Variants in RET observed in about 807,000 individuals in gnomAD.
The protein encoded by RET is ret proto-oncogene, also known as proto-oncogene tyrosine-protein kinase receptor Ret.
RET carries 19 observed loss-of-function variants against 118.3 expected under a neutral mutation model. That is an observed-to-expected ratio of 0.16 (90% CI 0.11 to 0.24). The LOEUF is 0.24. RET is among the 10% of genes least tolerant of loss of function. The pLI is 1.00. For missense variants in RET, 1,219 were observed against 1,502.1 expected, an observed-to-expected ratio of 0.81 and a Z score of 3.12; for synonymous variants, 597 against 644.1, an observed-to-expected ratio of 0.93 and a Z score of 1.11.
At position 43,126,581 on chromosome 10, in the gene RET, T is replaced by A. The variant is rs2133032658; in HGVS notation, c.3046T>A (p.Leu1016Met). The change falls in exon 19 of 20, where the codon TTG (leucine) becomes ATG (methionine). Residue 1016 changes from leucine (L) to methionine (M), a missense_variant. Transcript: ENST00000355710. ...EKMMVKRRDY[L>M]DLAASTPSDS... is the part of the protein sequence containing the mutation. ...GGCCATCTCTGTCTTCCAGGACTAC[T>A]TGGACCTTGCGGCGTCCACTCCATC... 6.2e-7 allele frequency: 1 copy of A among 1,613,968 alleles called. No homozygotes were observed. The highest frequency in any genetic ancestry group is 8.5e-7 in the Non-Finnish European group (1 of 1,179,994).
chr10:43,127,667 G>T (rs949781113), intron 19 of RET, among the ~76,000 whole-genome samples: 1 of 151,946 alleles, frequency 6.6e-6, no homozygotes, highest in Non-Finnish European at 1.5e-5. Context: ...CTATGAGGCT[G>T]GCCCGTGTGC....
intron 6 of RET, among the ~76,000 whole-genome samples, chr10:43,110,687 C>T (rs1178381536): frequency 1.3e-5 from 2 of 152,040 alleles, no homozygotes; most frequent in Non-Finnish European, 2.9e-5. Flanking sequence ...GCTGGGGCAA[C>T]CATGCTCCCG....
intron 2 of RET, 122 bp downstream of exon 2, chr10:43,100,844 C>A: frequency 3.5e-6 from 4 of 1,133,660 alleles, no homozygotes; most frequent in Admixed American, 2.0e-5. Flanking sequence ...GTGTGGAAGG[C>A]GTCAGGGGTT....
At chr10:43,125,985 G>A (rs1233107643) in intron 18 of RET, among the ~76,000 whole-genome samples, 2 of 152,254 alleles carry the variant, frequency 1.3e-5, no homozygotes, top group Non-Finnish European at 2.9e-5. Context: ...GGCATTGAAA[G>A]GAGCAGACGC....
In RET at chr10:43,128,317, G is replaced by A. The variant is rs554412445; in HGVS notation, c.*48G>A. ...GACTCACAAGGGGAAGAAACATGCT[G>A]AGAATGGAAAGTCTACCGGCCCTTT... On this transcript the variant is annotated 3_prime_UTR_variant, in exon 20 of 20. Transcript: ENST00000355710. 5.5e-5 allele frequency: 89 copies of A among 1,606,532 alleles called. No individual in the cohort carries two copies. The East Asian group carries it at 1.9e-3, about 35-fold the overall frequency.
intron 1 of RET, among the ~76,000 whole-genome samples, chr10:43,088,071 G>A (rs1467237275): frequency 6.6e-6 from 1 of 152,010 alleles, no homozygotes; most frequent in African/African-American, 2.4e-5. Flanking sequence ...TGGTGAAGAC[G>A]GTGGTGGTGG....
rs192977931 is a variant in RET, at chr10:43,108,392, C to G, written c.1064-639C>G. Among the ~76,000 whole-genome samples the G allele has an allele frequency of 1.3e-3, 200 of 152,240 alleles. 3 individuals are homozygous for G. The highest frequency in any genetic ancestry group is 2.5e-3 in the Non-Finnish European group (169 of 68,020). ...ACCCTTGCCTGGCATGGCCTTAGGTCCTGTTTATAATTTGGTATCTTACTG... is the reference window on the plus strand; with the variant it reads ...ACCCTTGCCTGGCATGGCCTTAGGTGCTGTTTATAATTTGGTATCTTACTG... On this transcript the variant is annotated intron_variant, in intron 5 of 19. Transcript: ENST00000355710.
Position 43,123,920 on chromosome 10 carries a change from G to C in RET, c.2939+112G>C, listed in dbSNP as rs1838274478. The C allele has an allele frequency of 5.2e-6, 8 of 1,527,332 alleles. No homozygotes were observed. In the East Asian group the frequency reaches 1.8e-4, roughly 35 times the overall value. 94.6% of individuals were successfully genotyped at this position (1,527,332 alleles called of 1,614,324 possible). A position where few individuals can be genotyped will look rare whatever the true frequency, so the allele number is the denominator to read the frequency against. ...GGAGAAACCAGGAGAAGTGGGGGGTGGGGAGTGGGCAGGGCAGAGGTTAGA... is the reference window on the plus strand; with the variant it reads ...GGAGAAACCAGGAGAAGTGGGGGGTCGGGAGTGGGCAGGGCAGAGGTTAGA... On this transcript the variant is annotated intron_variant, in intron 17 of 19. Transcript: ENST00000355710.
chr10:43,106,479 G>C lies in RET; in HGVS notation c.971G>C (p.Trp324Ser). ...YTSTLLPGDT[W>S]AQQTFRVEHW... ...AGCACGCTGCTCCCCGGGGACACCT[G>C]GGCCCAGCAGACCTTCCGGGTGGAA... The change falls in exon 5 of 20, where the codon TGG (tryptophan) becomes TCG (serine). Residue 324 changes from tryptophan (W) to serine (S), a missense_variant. This residue lies in a region of RET where 850 missense variants were observed against 969.6 expected (regional missense o/e 0.88). Transcript: ENST00000355710. This position sits in a 1 kb window ranked among gnomAD's most constrained non-coding sequence, Gnocchi z 5.1. 2.5e-6 allele frequency: 4 copies of C among 1,613,626 alleles called. No homozygotes were observed.
chr10:43,091,391 G>T (rs996716569), intron 1 of RET, among the ~76,000 whole-genome samples: 1 of 152,160 alleles, frequency 6.6e-6, no homozygotes, highest in Admixed American at 6.5e-5. Flanking sequence ...CACTTGGGGA[G>T]GCTCACGCAG....
intron 1 of RET, among the ~76,000 whole-genome samples, chr10:43,080,380 C>G (rs1421718042): frequency 6.6e-6 from 1 of 152,226 alleles, no homozygotes; most frequent in Non-Finnish European, 1.5e-5. Flanking sequence ...AGTGCACTGC[C>G]CCTGTGCTGT....
intron 16 of RET, among the ~76,000 whole-genome samples, chr10:43,122,874 T>A (rs1838248665): frequency 6.6e-6 from 1 of 152,146 alleles, no homozygotes; most frequent in Non-Finnish European, 1.5e-5. Flanking sequence ...CCTCCCAAAG[T>A]GCTGGGATTA....
At chr10:43,077,782 C>T (rs1027037770) in intron 1 of RET, among the ~76,000 whole-genome samples, 1 of 152,252 alleles carries the variant, frequency 6.6e-6, no homozygotes. Context: ...TTCCTTTTCC[C>T]GCTCAGCGTC....
chr10:43,113,320 A>G (rs2132822808), intron 9 of RET, among the ~76,000 whole-genome samples: 1 of 152,342 alleles, frequency 6.6e-6, no homozygotes. Flanking sequence ...TTTTGGAGGC[A>G]GAGTCCTTTG....
chr10:43,129,090 A>G lies in RET; in HGVS notation c.*821A>G, dbSNP rs1052208691. On this transcript the variant is annotated 3_prime_UTR_variant, in exon 20 of 20. Coordinates refer to ENST00000355710, the MANE Select transcript of RET (RefSeq NM_020975.6). ...CCCCTGATGAGAACAGTATGAAGAA[A>G]GGGGGCTGTTGGAGTCCCAGAATTG... 3 of 233,476 alleles carry G rather than the reference A, an allele frequency of 1.3e-5. No homozygotes were observed. The highest frequency in any genetic ancestry group is 2.2e-5 in the African/African-American group (1 of 45,314). 14.5% of individuals were successfully genotyped at this position (233,476 alleles called of 1,614,324 possible).
At chr10:43,127,132 TCAG>T (rs1250615108) in intron 19 of RET, 109 of 1,135,574 alleles carry the variant, frequency 9.6e-5, no homozygotes, top group Non-Finnish European at 1.2e-4. Context: ...CCAGCACCAC[TCAG>T]CCTGCACTGG....
At position 43,128,668 on chromosome 10, in the gene RET, CA is replaced by C; in HGVS notation, c.*406del. On this transcript the variant is annotated 3_prime_UTR_variant, in exon 20 of 20. Transcript: ENST00000355710. ...TTTTTCTAGTTGCCGCCAAACAAGG[CA>C]AAAAAATTTAAACATGAAGCACACA... The C allele has an allele frequency of 2.7e-6, 1 of 374,694 alleles. No individual in the cohort carries two copies. The highest frequency in any genetic ancestry group is 5.0e-6 in the Non-Finnish European group (1 of 200,138). The allele number at this position is 374,694 out of a possible 1,614,324, so 23.2% of individuals were successfully genotyped here.
intron 4 of RET, among the ~76,000 whole-genome samples, chr10:43,105,465 G>A (rs1180372538): frequency 3.3e-5 from 5 of 152,100 alleles, no homozygotes; most frequent in Non-Finnish European, 5.9e-5. Context: ...GCAGGCGGGC[G>A]CGGCGCGCTG....
rs192234391 is a variant in RET at position 43,099,558 on chromosome 10, A to T, written c.74-901A>T. Reference sequence around the variant, plus strand: ...TAAATAAATAAATAAATAAATAAATAAAAATTACATAGATAAGATGCACGG... The same window carrying T: ...TAAATAAATAAATAAATAAATAAATTAAAATTACATAGATAAGATGCACGG... On this transcript the variant is annotated intron_variant, in intron 1 of 19. Transcript: ENST00000355710. Among the ~76,000 whole-genome samples the T allele has an allele frequency of 1.6e-3, 248 of 151,834 alleles. 1 individual carries two copies. Among genetic ancestry groups the T allele is most frequent in the Non-Finnish European group, 3.0e-3 (207 of 67,944 alleles).
Sources: gnomAD v4.1 joint callset for allele counts (sites outside exome capture counted in the v4.1 genomes callset) on GRCh38, gnomAD v4.1.1 for gene constraint, gnomAD v4.1.1 regional missense constraint, Gnocchi (gnomAD v3.1) non-coding constraint, MANE v1.5 for transcripts, NCBI Gene and HGNC (gene_info 2026-07-23, HGNC 2026-07-21) for gene names.